SLC15A2: variants seen among roughly 807,000 people sequenced by gnomAD.
SLC15A2 encodes solute carrier family 15 member 2, also known as kidney H(+)/peptide cotransporter.
A neutral mutation model predicts 95.5 loss-of-function variants in SLC15A2; 77 were observed. The ratio of observed to expected loss-of-function variants is 0.81; its 90% confidence interval spans 0.67 to 0.97. The LOEUF is 0.97. Among genes scored for constraint, SLC15A2 ranks in the 50% least tolerant of loss-of-function variants. SLC15A2 has a pLI of 0.00. For missense variants in SLC15A2, 893 were observed against 874.4 expected (o/e 1.02, Z -0.27); for synonymous variants, 306 against 306.9 (o/e 1.00, Z 0.03).
In SLC15A2 at chr3:121,913,088, GC is replaced by G; in HGVS notation, c.497del (p.Ala166ValfsTer31). On this transcript the variant is annotated frameshift_variant, in exon 5 of 22. Coordinates refer to ENST00000489711, the MANE Select transcript of SLC15A2 (RefSeq NM_021082.4). LOFTEE classifies it high-confidence loss of function. ...GTGGIKPCVA[A>X]FGGDQFEEKH... ...AGGAGGCATCAAACCCTGTGTGGCA[GC>G]TTTTGGTGGAGACCAGTTTGAAGAA... 1 of 1,613,934 alleles carries G rather than the reference GC, an allele frequency of 6.2e-7. No individual in the cohort carries two copies.
rs528336333 is a variant in SLC15A2 at position 121,941,132 on chromosome 3, T to C, written c.*125T>C. 40 of 829,064 alleles carry C rather than the reference T, an allele frequency of 4.8e-5. No individual in the cohort carries two copies. In the East Asian group the frequency reaches 1.1e-3, roughly 22 times the overall value. The allele number at this position is 829,064 out of a possible 1,614,324, so 51.4% of individuals were successfully genotyped here. On this transcript the variant is annotated 3_prime_UTR_variant, in exon 22 of 22. Transcript: ENST00000489711. ...GCTGATCTCCTCCACCTTTCTCCAA[T>C]GACAGAAGTTCCAGGACTGGTTTTC...
In SLC15A2 at chr3:121,943,908, TA is replaced by T. The variant is rs766034587; in HGVS notation, c.*2904del. ...TGGTATTTTTATACTTAAACATATC[TA>T]AACATAGAAACGGTACAAAAAACTT... is the stretch of plus-strand genomic sequence containing the variant. On this transcript the variant is annotated 3_prime_UTR_variant, in exon 22 of 22. Coordinates refer to ENST00000489711, the MANE Select transcript of SLC15A2 (RefSeq NM_021082.4). The T allele has an allele frequency of 6.6e-6, 1 of 152,248 alleles. No individual in the cohort carries two copies. The allele number at this position is 152,248 out of a possible 1,614,324, so 9.4% of individuals were successfully genotyped here. A position where few individuals can be genotyped will look rare whatever the true frequency, so the allele number is the denominator to read the frequency against.
intron 7 of SLC15A2, among the ~76,000 whole-genome samples, chr3:121,915,933 G>C (rs1160877983): frequency 6.6e-6 from 1 of 152,146 alleles, no homozygotes; most frequent in African/African-American, 2.4e-5. Context: ...GCCTTAAAAA[G>C]TCCAAACTCT....
chr3:121,932,909 C>G lies in SLC15A2; in HGVS notation c.1761+1174C>G, dbSNP rs561257504. Among the ~76,000 whole-genome samples, 4 of 152,228 alleles carry G rather than the reference C, an allele frequency of 2.6e-5. No homozygotes were observed. In the South Asian group the frequency reaches 6.2e-4, roughly 24 times the overall value. On this transcript the variant is annotated intron_variant, in intron 19 of 21. Transcript: ENST00000489711. The stretch of plus-strand genomic sequence containing the variant: ...TATATCTCCCAGTGCTATCCCTCCC[C>G]CCTCCGCGCACCCCACAACAGTCCC...
At chr3:121,902,040 C>T (rs1012327684) in intron 3 of SLC15A2, among the ~76,000 whole-genome samples, 1 of 152,160 alleles carries the variant, frequency 6.6e-6, no homozygotes, top group South Asian at 2.1e-4. Flanking sequence ...AGGAAATGGG[C>T]ATCCAGAGTC....
At chr3:121,925,058 G>T in intron 13 of SLC15A2, 25 bp downstream of exon 13, 2 of 1,460,880 alleles carry the variant, frequency 1.4e-6, no homozygotes, top group Non-Finnish European at 1.9e-6. Flanking sequence ...TGTCTGTATG[G>T]ATTACTCTAA....
Position 121,940,479 on chromosome 3 carries a change from C to T in SLC15A2, c.2004C>T (p.Gly668=). 6.2e-7 allele frequency: 1 copy of T among 1,612,932 alleles called. No homozygotes were observed. Among genetic ancestry groups the T allele is most frequent in the East Asian group, 2.2e-5 (1 of 44,874 alleles). ...TGCTTGTTGTGGCACAGTTCAGTGG[C>T]CTGGTACAGGTATGGATCTGAGGGA... ...IIVLVVAQFS[G]LVQWAEFILF... is the part of the protein sequence containing the mutation. Residue 668 remains glycine (G), a synonymous_variant, in exon 21 of 22, where the codon GGC becomes GGT. Coordinates refer to ENST00000489711, the MANE Select transcript of SLC15A2 (RefSeq NM_021082.4).
rs1710467798 is a variant in SLC15A2 at position 121,941,752 on chromosome 3, A to C, written c.*745A>C. On this transcript the variant is annotated 3_prime_UTR_variant, in exon 22 of 22. Coordinates refer to ENST00000489711, the MANE Select transcript of SLC15A2 (RefSeq NM_021082.4). ...GAACAGGAACAGGTGTAAGTTGTAG[A>C]AATCCTGAAGAGCCAGTCATTCTTT... The C allele has an allele frequency of 6.6e-6, 1 of 152,272 alleles. No individual in the cohort carries two copies. Among genetic ancestry groups the C allele is most frequent in the Non-Finnish European group, 1.5e-5 (1 of 68,050 alleles). 9.4% of individuals were successfully genotyped at this position (152,272 alleles called of 1,614,324 possible).
intron 3 of SLC15A2, 69 bp downstream of exon 3, chr3:121,897,598 T>C: frequency 6.5e-7 from 1 of 1,532,850 alleles, no homozygotes; most frequent in African/African-American, 1.4e-5. Context: ...ACTTCTAGCC[T>C]CTTGCTTCTG....
chr3:121,929,448 C>G, intron 17 of SLC15A2, 100 bp downstream of exon 17: 3 of 1,298,586 alleles, frequency 2.3e-6, no homozygotes, highest in Non-Finnish European at 3.3e-6. Context: ...ACAGGAATTC[C>G]CTCTCGTAGA....
Position 121,925,725 on chromosome 3 carries a change from A to AGTATAT in SLC15A2, c.1124+692_1124+693insGTATAT, listed in dbSNP as rs1559850279. Among the ~76,000 whole-genome samples the AGTATAT allele has an allele frequency of 4.3e-4, 24 of 56,336 alleles. 1 individual carries two copies. Among genetic ancestry groups the AGTATAT allele is most frequent in the African/African-American group, 6.2e-4 (9 of 14,600 alleles). 37.0% of individuals were successfully genotyped at this position (56,336 alleles called of 152,430 possible). On this transcript the variant is annotated intron_variant, in intron 13 of 21. Coordinates refer to ENST00000489711, the MANE Select transcript of SLC15A2 (RefSeq NM_021082.4). ...GTTTATTACTTAGTAAAGGGGCTAG[A>AGTATAT]CTATATATATATATATATATATATA...
intron 7 of SLC15A2, among the ~76,000 whole-genome samples, chr3:121,918,344 G>A (rs901357735): frequency 2.0e-5 from 3 of 152,166 alleles, no homozygotes; most frequent in Admixed American, 6.5e-5. Context: ...GTGAGGAAAA[G>A]CCAGTTTGGG....
At position 121,928,878 on chromosome 3, in the gene SLC15A2, T is replaced by G. The variant is rs1004045850; in HGVS notation, c.1342-104T>G. ...AGGTTAAAGAAAGGAATTACTAGGT[T>G]GAAAGTGTCTGATGAGGTCACCTAC... On this transcript the variant is annotated intron_variant, in intron 15 of 21. Coordinates refer to ENST00000489711, the MANE Select transcript of SLC15A2 (RefSeq NM_021082.4). 3 of 1,242,926 alleles carry G rather than the reference T, an allele frequency of 2.4e-6. No individual in the cohort carries two copies. The African/African-American group carries it at 4.5e-5, about 19-fold the overall frequency. The allele number at this position is 1,242,926 out of a possible 1,614,324, so 77.0% of individuals were successfully genotyped here.
At chr3:121,933,807 T>A (rs1710282156) in intron 19 of SLC15A2, among the ~76,000 whole-genome samples, 1 of 148,906 alleles carries the variant, frequency 6.7e-6, no homozygotes, top group African/African-American at 2.5e-5. Context: ...TTGCCATTGC[T>A]TTTGGTGTTT....
intron 20 of SLC15A2, 133 bp from the exon 21 acceptor site, chr3:121,940,251 G>C: frequency 1.6e-6 from 1 of 634,556 alleles, no homozygotes; most frequent in Non-Finnish European, 2.9e-6. Flanking sequence ...AACACCCTCT[G>C]AATCAATGTG....
rs781526450 is a variant in SLC15A2, at chr3:121,894,508, A to G, written c.32A>G (p.Glu11Gly). Residue 11 changes from glutamate (E) to glycine (G), a missense_variant, in exon 1 of 22, where the codon GAA becomes GGA. Glu to Gly is a moderately conservative substitution (Grantham distance 98, BLOSUM62 -2). Coordinates refer to ENST00000489711, the MANE Select transcript of SLC15A2 (RefSeq NM_021082.4). MNPFQKNESK[E>G]TLFSPVSIEE... ...CCTTTCCAGAAAAATGAGTCCAAGG[A>G]AACTCTTTTTTCACCTGTCTCCATT... The G allele has an allele frequency of 6.2e-7, 1 of 1,613,540 alleles. No homozygotes were observed.
intron 2 of SLC15A2, among the ~76,000 whole-genome samples, chr3:121,896,920 G>T (rs1189623178): frequency 1.3e-4 from 19 of 142,488 alleles, no homozygotes; most frequent in African/African-American, 4.8e-4. Flanking sequence ...AAAAAAAAAA[G>T]GGGGGGGAGG....
At chr3:121,913,401 A>G (rs539154509) in intron 5 of SLC15A2, among the ~76,000 whole-genome samples, 24 of 152,384 alleles carry the variant, frequency 1.6e-4, no homozygotes, top group Non-Finnish European at 2.9e-4. Context: ...AGAATACTAT[A>G]GCTGCTTATA....
At chr3:121,923,369 T>G (rs1161350861) in intron 11 of SLC15A2, 103 bp downstream of exon 11, 5 of 1,147,446 alleles carry the variant, frequency 4.4e-6, no homozygotes, top group Non-Finnish European at 6.4e-6. Context: ...TAACAAGATC[T>G]TCAGAGAAGT....
Sources: allele counts gnomAD v4.1 joint callset (sites outside exome capture counted in the v4.1 genomes callset), GRCh38; gene constraint gnomAD v4.1.1; transcripts MANE v1.5; gene names NCBI Gene and HGNC (gene_info 2026-07-23, HGNC 2026-07-21).